The following VPS13D variants were observed in gnomAD, a reference collection of about 807,000 sequenced individuals.
VPS13D encodes the protein vacuolar protein sorting 13 homolog D.
VPS13D carries 187 observed loss-of-function variants against 461.9 expected under a neutral mutation model. That is an observed-to-expected ratio of 0.40 (90% CI 0.36 to 0.46). The LOEUF (loss-of-function observed/expected upper bound fraction) is 0.46. Ranked by LOEUF, VPS13D falls within the 20% of genes least tolerant of loss-of-function variation. VPS13D has a pLI of 0.60. For synonymous variants in VPS13D, 1,951 were observed against 1,986.3 expected (o/e 0.98, Z 0.47); for missense variants, 4,711 against 5,364.9 (o/e 0.88, Z 3.81).
At chr1:12,292,856 G>A (rs1022515546) in intron 23 of VPS13D, among the ~76,000 whole-genome samples, 4 of 152,076 alleles carry the variant, frequency 2.6e-5, no homozygotes, top group Admixed American at 6.6e-5. Context: ...TGCTGAGAAT[G>A]GATTTGTTTG....
rs1491325725 is a variant in VPS13D at position 12,509,781 on chromosome 1, TAG to T, written c.*758_*759del. 3 of 152,234 alleles carry T rather than the reference TAG, an allele frequency of 2.0e-5. No homozygotes were observed. Among genetic ancestry groups the T allele is most frequent in the Non-Finnish European group, 4.4e-5 (3 of 68,040 alleles). 9.4% of individuals were successfully genotyped at this position (152,234 alleles called of 1,614,324 possible). A position where few individuals can be genotyped will look rare whatever the true frequency, so the allele number is the denominator to read the frequency against. On this transcript the variant is annotated 3_prime_UTR_variant, in exon 70 of 70. Coordinates refer to ENST00000620676, the MANE Select transcript of VPS13D (RefSeq NM_015378.4). The stretch of plus-strand genomic sequence containing the variant: ...TTTTCCTAACTAGTCTTACCAAACT[TAG>T]GGGGAAACCTGTGCTCCATTACCAC...
chr1:12,467,543 G>A (rs74724566), intron 67 of VPS13D, among the ~76,000 whole-genome samples: 2,648 of 152,240 alleles, frequency 0.017, 37 homozygotes, highest in Non-Finnish European at 0.023. Flanking sequence ...TCACAGGAAC[G>A]TAAGCAGAGA....
At chr1:12,242,397 T>G in intron 2 of VPS13D, 116 bp from the exon 3 acceptor site, 1 of 872,990 alleles carries the variant, frequency 1.1e-6, no homozygotes, top group Non-Finnish European at 1.8e-6. Flanking sequence ...AACCTTCACA[T>G]GACGTAGCCT....
chr1:12,345,201 TA>T (rs1371979294), intron 42 of VPS13D, among the ~76,000 whole-genome samples, 172 bp from the exon 43 acceptor site: 3 of 152,234 alleles, frequency 2.0e-5, no homozygotes, highest in Non-Finnish European at 4.4e-5. Context: ...GTTGTAAGTG[TA>T]AAACCCAGTT....
At chr1:12,238,721 T>G (rs926557750) in intron 2 of VPS13D, among the ~76,000 whole-genome samples, 23 of 151,532 alleles carry the variant, frequency 1.5e-4, no homozygotes, top group Non-Finnish European at 3.1e-4. Flanking sequence ...AGCCTCGAAC[T>G]TTTGGCGATC....
chr1:12,318,321 C>T lies in VPS13D; in HGVS notation c.7398C>T (p.Val2466=). 6.2e-7 allele frequency: 1 copy of T among 1,610,982 alleles called. No individual in the cohort carries two copies. Among genetic ancestry groups the T allele is most frequent in the South Asian group, 1.1e-5 (1 of 91,002 alleles). The change falls in exon 31 of 70, where the codon GTC becomes GTT. Residue 2466 remains valine, a synonymous_variant. Transcript: ENST00000620676. ...TGTCCAATGAAAGGCACCTGGAGGT[C>T]AAGGTCAATGTAACAGGTGATTATA... ...LPVSNERHLE[V]KVNVTGTEFV... is the part of the protein sequence containing the mutation.
chr1:12,468,669 T>C (rs1309128080), intron 67 of VPS13D, among the ~76,000 whole-genome samples: 1 of 152,262 alleles, frequency 6.6e-6, no homozygotes, highest in Admixed American at 6.5e-5. Flanking sequence ...ATTTTCTTGC[T>C]AAATTTCTTA....
intron 17 of VPS13D, among the ~76,000 whole-genome samples, chr1:12,272,150 C>G (rs1641461831): frequency 6.6e-6 from 1 of 152,098 alleles, no homozygotes; most frequent in Non-Finnish European, 1.5e-5. Flanking sequence ...TATGATCTGC[C>G]CTCTAGCCTG....
intron 65 of VPS13D, among the ~76,000 whole-genome samples, chr1:12,419,742 A>G (rs1029649679): frequency 6.6e-6 from 1 of 152,208 alleles, no homozygotes; most frequent in Non-Finnish European, 1.5e-5. Context: ...GGGGATTATA[A>G]TTCAACATGA....
chr1:12,397,673 G>C (rs151239230), intron 60 of VPS13D, among the ~76,000 whole-genome samples: 11 of 152,314 alleles, frequency 7.2e-5, no homozygotes, highest in Non-Finnish European at 1.3e-4. Flanking sequence ...CAATAAATAT[G>C]CAGGCAGGCA....
In VPS13D at chr1:12,369,718, A is replaced by G. The variant is rs1423631968; in HGVS notation, c.10808+16A>G. ...CATTCTCTGGGTAATTCTTGATTAA[A>G]TTACTGTTCCTATAAAGCAGAAGGT... On this transcript the variant is annotated intron_variant, in intron 54 of 69. Transcript: ENST00000620676. The G allele has an allele frequency of 6.2e-7, 1 of 1,608,782 alleles. No individual in the cohort carries two copies.
At chr1:12,338,913 G>A (rs1203849578) in intron 40 of VPS13D, among the ~76,000 whole-genome samples, 1 of 152,170 alleles carries the variant, frequency 6.6e-6, no homozygotes, top group Non-Finnish European at 1.5e-5. Flanking sequence ...TAATCATTGA[G>A]GAATTGGAGT....
At chr1:12,348,761 T>A in intron 44 of VPS13D, 62 bp from the exon 45 acceptor site, 1 of 1,581,532 alleles carries the variant, frequency 6.3e-7, no homozygotes, top group Non-Finnish European at 8.7e-7. Flanking sequence ...CTGATCGATA[T>A]TATTGTATTT....
At chr1:12,422,578 T>G (rs1644877180) in intron 65 of VPS13D, among the ~76,000 whole-genome samples, 2 of 152,254 alleles carry the variant, frequency 1.3e-5, no homozygotes, top group African/African-American at 4.8e-5. Context: ...AGATGATTTC[T>G]TGGTACAAAC....
chr1:12,387,331 A>G (rs1160534584), intron 60 of VPS13D, among the ~76,000 whole-genome samples: 2 of 152,258 alleles, frequency 1.3e-5, no homozygotes. Context: ...AATAAAGCTC[A>G]AGAAGATTAT....
At chr1:12,355,799 A>T in intron 47 of VPS13D, 100 bp from the exon 48 acceptor site, 9 of 1,225,216 alleles carry the variant, frequency 7.3e-6, no homozygotes, top group Non-Finnish European at 9.9e-6. Context: ...TTAGATACTT[A>T]GTTATTGGTT....
chr1:12,346,660 T>C lies in VPS13D; in HGVS notation c.9069+8T>C. The C allele has an allele frequency of 6.2e-7, 1 of 1,612,462 alleles. No homozygotes were observed. Among genetic ancestry groups the C allele is most frequent in the Non-Finnish European group, 8.5e-7 (1 of 1,179,392 alleles). On this transcript the variant is annotated splice_region_variant and intron_variant, in intron 44 of 69. Transcript: ENST00000620676. ...ATACATCCCCAGGTTTATGTAAGTA[T>C]GATTTTCCTGTTGTCATTGTGTTTA...
chr1:12,284,126 C>T (rs1641893428), intron 21 of VPS13D, among the ~76,000 whole-genome samples: 1 of 152,142 alleles, frequency 6.6e-6, no homozygotes, highest in African/African-American at 2.4e-5. Flanking sequence ...TTGTTTCTGT[C>T]TCCCCATTCT....
At chr1:12,363,344 C>A (rs912479672) in intron 52 of VPS13D, 97 bp downstream of exon 52, 9 of 1,328,528 alleles carry the variant, frequency 6.8e-6, no homozygotes, top group Non-Finnish European at 9.3e-6. Flanking sequence ...ACAAATATTT[C>A]TGGCTCAGAC....
Sources: allele counts gnomAD v4.1 joint callset (sites outside exome capture counted in the v4.1 genomes callset), GRCh38; gene constraint gnomAD v4.1.1; transcripts MANE v1.5; gene names NCBI Gene and HGNC (gene_info 2026-07-23, HGNC 2026-07-21).